The following KHDRBS2 variants were observed in gnomAD, a reference collection of about 807,000 sequenced individuals.
KHDRBS2 encodes KH RNA binding domain containing, signal transduction associated 2.
KHDRBS2 carries 26 observed loss-of-function variants against 44.3 expected under a neutral mutation model. The ratio of observed to expected loss-of-function variants is 0.59; its 90% CI spans 0.43 to 0.81. The LOEUF is 0.81. Ranked by LOEUF, KHDRBS2 falls within the 40% of genes least tolerant of loss-of-function variation. The pLI, the probability that KHDRBS2 is intolerant of heterozygous loss-of-function variation, is 0.00. For missense variants in KHDRBS2, 476 were observed against 433.1 expected (o/e 1.10, Z -0.88); for synonymous variants, 194 against 151.1 (o/e 1.28, Z -2.08).
chr6:61,897,654 G>A (rs1803156415), intron 5 of KHDRBS2, among the ~76,000 whole-genome samples: 1 of 151,850 alleles, frequency 6.6e-6, no homozygotes, highest in Non-Finnish European at 1.5e-5. Flanking sequence ...ATCTGCCTTG[G>A]ATGATGGAAT....
intron 6 of KHDRBS2, among the ~76,000 whole-genome samples, chr6:61,735,056 T>A (rs184814039): frequency 1.4e-3 from 210 of 148,642 alleles, no homozygotes; most frequent in Middle Eastern, 6.9e-3. Context: ...ATAACCTCTA[T>A]TAAGAGGTAT....
the KHDRBS2 span, among the ~76,000 whole-genome samples, chr6:61,568,782 G>A: frequency 6.6e-6 from 1 of 152,208 alleles, no homozygotes; most frequent in Admixed American, 6.5e-5. Context: ...CAAGCCCAGG[G>A]AAGCCATCCC....
chr6:62,018,144 TTAC>T (rs1251850849), intron 3 of KHDRBS2, among the ~76,000 whole-genome samples: 1 of 151,068 alleles, frequency 6.6e-6, no homozygotes, highest in Non-Finnish European at 1.5e-5. Flanking sequence ...GCTATAAATA[TTAC>T]TACTTTTTTT....
At chr6:61,656,782 T>C in the KHDRBS2 span, among the ~76,000 whole-genome samples, 1 of 152,034 alleles carries the variant, frequency 6.6e-6, no homozygotes, top group East Asian at 2.0e-4. Context: ...AAATTACGGT[T>C]GTATTCAAGA....
At chr6:61,762,644 A>G (rs1779445764) in intron 6 of KHDRBS2, among the ~76,000 whole-genome samples, 1 of 152,144 alleles carries the variant, frequency 6.6e-6, no homozygotes, top group Non-Finnish European at 1.5e-5. Context: ...CTTTCACCAG[A>G]TGCTCAGTTT....
At chr6:61,783,122 G>C (rs1783261621) in intron 6 of KHDRBS2, among the ~76,000 whole-genome samples, 1 of 152,002 alleles carries the variant, frequency 6.6e-6, no homozygotes, top group South Asian at 2.1e-4. Context: ...ACACTTTCAA[G>C]AGAAAATAAT....
intron 1 of KHDRBS2, among the ~76,000 whole-genome samples, chr6:62,214,171 T>C (rs1829592719): frequency 6.6e-6 from 1 of 152,164 alleles, no homozygotes; most frequent in South Asian, 2.1e-4. Flanking sequence ...AATCCATCCA[T>C]GGCAAAATTT....
chr6:61,557,340 A>G, the KHDRBS2 span, among the ~76,000 whole-genome samples: 1 of 152,226 alleles, frequency 6.6e-6, no homozygotes, highest in Admixed American at 6.5e-5. Context: ...TAAAAACAAT[A>G]ATGAAGAAAG....
At chr6:61,898,561 C>G (rs1803356292) in intron 5 of KHDRBS2, among the ~76,000 whole-genome samples, 1 of 151,812 alleles carries the variant, frequency 6.6e-6, no homozygotes, top group African/African-American at 2.4e-5. Flanking sequence ...TAAATTATGA[C>G]TATGCCATGT....
the KHDRBS2 span, among the ~76,000 whole-genome samples, chr6:61,665,805 T>C: frequency 6.6e-6 from 1 of 151,124 alleles, no homozygotes; most frequent in African/African-American, 2.4e-5. Flanking sequence ...AATAATTTAA[T>C]TTTGAAATTT....
the KHDRBS2 span, among the ~76,000 whole-genome samples, chr6:61,594,206 C>T: frequency 6.6e-6 from 1 of 151,412 alleles, no homozygotes; most frequent in Non-Finnish European, 1.5e-5. Context: ...GTTTTCTTAA[C>T]TCTAGAAAAG....
At chr6:61,892,346 A>G (rs1410524872) in intron 6 of KHDRBS2, among the ~76,000 whole-genome samples, 2 of 152,208 alleles carry the variant, frequency 1.3e-5, no homozygotes, top group African/African-American at 2.4e-5. Flanking sequence ...TTATAGATTC[A>G]ATGCCATCCC....
At chr6:61,626,913 C>T in the KHDRBS2 span, among the ~76,000 whole-genome samples, 1 of 151,982 alleles carries the variant, frequency 6.6e-6, no homozygotes, top group Non-Finnish European at 1.5e-5. Flanking sequence ...GAGTTTCCAC[C>T]TGAAAGAGCT....
chr6:62,229,140 G>A (rs1832442640), intron 1 of KHDRBS2, among the ~76,000 whole-genome samples: 1 of 152,090 alleles, frequency 6.6e-6, no homozygotes, highest in African/African-American at 2.4e-5. Flanking sequence ...GGAGACTATG[G>A]TCACCCCCTT....
chr6:62,152,321 A>G (rs1422062918), intron 2 of KHDRBS2, among the ~76,000 whole-genome samples: 2 of 152,216 alleles, frequency 1.3e-5, no homozygotes, highest in Non-Finnish European at 2.9e-5. Context: ...CTCTGTCTCA[A>G]ACAAAAACAA....
At chr6:61,628,601 C>T in the KHDRBS2 span, among the ~76,000 whole-genome samples, 1 of 152,150 alleles carries the variant, frequency 6.6e-6, no homozygotes, top group Non-Finnish European at 1.5e-5. Context: ...TCTCCACTGA[C>T]CAAACAGTGC....
chr6:62,038,373 A>G (rs1785759628), intron 3 of KHDRBS2, among the ~76,000 whole-genome samples: 1 of 151,858 alleles, frequency 6.6e-6, no homozygotes, highest in Admixed American at 6.6e-5. Context: ...AGTGTCATTA[A>G]CTAAAGCCAG....
At chr6:61,689,109 C>T (rs9449647) in intron 8 of KHDRBS2, among the ~76,000 whole-genome samples, 4,260 of 151,900 alleles carry the variant, frequency 0.028, 215 homozygotes, top group African/African-American at 0.099. Flanking sequence ...ACTGAGACTC[C>T]TGTGAGCTTC....
intron 4 of KHDRBS2, among the ~76,000 whole-genome samples, chr6:61,947,716 T>C (rs190668268): frequency 6.6e-6 from 1 of 152,104 alleles, no homozygotes; most frequent in East Asian, 1.9e-4. Flanking sequence ...ACAATGCAAG[T>C]AGTAGGAATA....
Sources: allele counts gnomAD v4.1 joint callset (sites outside exome capture counted in the v4.1 genomes callset), GRCh38; gene constraint gnomAD v4.1.1; transcripts MANE v1.5; gene names NCBI Gene and HGNC (gene_info 2026-07-23, HGNC 2026-07-21).